The following RIT2 variants were observed in gnomAD, a reference collection of about 807,000 sequenced individuals.
RIT2 encodes the protein GTP-binding protein Rit2.
RIT2 carries 24 observed loss-of-function variants against 23.7 expected under a neutral mutation model. The ratio of observed to expected loss-of-function variants is 1.01; its 90% CI spans 0.73 to 1.43. The LOEUF (loss-of-function observed/expected upper bound fraction) is 1.43. Among genes scored for constraint, RIT2 ranks in the 40% most tolerant of loss-of-function variants. The probability of loss-of-function intolerance (pLI) is 0.00; values close to 1 mark genes in which losing one functional copy is unlikely to be tolerated. For synonymous variants in RIT2, 107 were observed against 91.1 expected, an observed-to-expected ratio of 1.17 and a Z score of -0.99; for missense variants, 236 against 266.9, an observed-to-expected ratio of 0.88 and a Z score of 0.81.
chr18:43,065,405 ACT>A (rs1912749530), intron 1 of RIT2, among the ~76,000 whole-genome samples: 1 of 151,508 alleles, frequency 6.6e-6, no homozygotes, highest in South Asian at 2.1e-4. Context: ...TATCATTTTC[ACT>A]TTTTCTAAAC....
At chr18:43,012,824 C>T (rs944657959) in intron 2 of RIT2, among the ~76,000 whole-genome samples, 2 of 151,664 alleles carry the variant, frequency 1.3e-5, no homozygotes, top group African/African-American at 4.8e-5. Context: ...TAATTGAAGA[C>T]ATTCTGATCC....
intron 1 of RIT2, among the ~76,000 whole-genome samples, chr18:43,039,502 C>G (rs1295917186): frequency 6.6e-6 from 1 of 151,958 alleles, no homozygotes; most frequent in African/African-American, 2.4e-5. Context: ...GCATGTGACA[C>G]CATGCCCGAC....
intron 2 of RIT2, among the ~76,000 whole-genome samples, chr18:43,022,259 G>A (rs1214372607): frequency 6.6e-6 from 1 of 152,052 alleles, no homozygotes; most frequent in Non-Finnish European, 1.5e-5. Flanking sequence ...ATTTTATGGA[G>A]GTAGAGAGTA....
At chr18:42,757,433 G>T (rs1456523356) in intron 4 of RIT2, among the ~76,000 whole-genome samples, 1 of 152,056 alleles carries the variant, frequency 6.6e-6, no homozygotes, top group Non-Finnish European at 1.5e-5. Context: ...GGTATCTTGG[G>T]CTCCTTCAAG....
At chr18:42,918,783 G>C (rs922189431) in intron 4 of RIT2, among the ~76,000 whole-genome samples, 13 of 152,090 alleles carry the variant, frequency 8.5e-5, no homozygotes, top group Admixed American at 7.9e-4. Flanking sequence ...TCTACTGCTT[G>C]TGTACACTCC....
intron 4 of RIT2, among the ~76,000 whole-genome samples, chr18:42,744,308 G>A (rs1912868765): frequency 1.3e-5 from 2 of 152,128 alleles, no homozygotes; most frequent in South Asian, 2.1e-4. Flanking sequence ...TGAAACTGTG[G>A]ACCTCAGTCA....
chr18:42,957,404 A>G (rs1909996896), intron 3 of RIT2, among the ~76,000 whole-genome samples: 1 of 152,146 alleles, frequency 6.6e-6, no homozygotes, highest in South Asian at 2.1e-4. Flanking sequence ...GAGGAGAGAG[A>G]GCTGAGACTC....
At chr18:43,083,740 G>T (rs1913213944) in intron 1 of RIT2, among the ~76,000 whole-genome samples, 1 of 152,034 alleles carries the variant, frequency 6.6e-6, no homozygotes, top group Non-Finnish European at 1.5e-5. Context: ...AACTCAAAGT[G>T]GACTAAAGAA....
chr18:42,940,333 A>G (rs926058413), intron 3 of RIT2, among the ~76,000 whole-genome samples: 1 of 146,156 alleles, frequency 6.8e-6, no homozygotes, highest in Non-Finnish European at 1.5e-5. Flanking sequence ...TATATACACA[A>G]TATATAGTAA....
chr18:43,055,573 G>A (rs540336929), intron 1 of RIT2, among the ~76,000 whole-genome samples: 9 of 152,098 alleles, frequency 5.9e-5, no homozygotes, highest in South Asian at 2.1e-4. Context: ...ACAAAAGGGC[G>A]GGTTCATACT....
At chr18:42,777,741 A>T (rs944411084) in intron 4 of RIT2, among the ~76,000 whole-genome samples, 7 of 152,152 alleles carry the variant, frequency 4.6e-5, no homozygotes, top group Non-Finnish European at 1.0e-4. Context: ...GTTACCAAAA[A>T]TTGAATTTTC....
intron 2 of RIT2, among the ~76,000 whole-genome samples, chr18:42,986,499 T>TTATA (rs1568047495): frequency 6.6e-6 from 1 of 151,918 alleles, no homozygotes; most frequent in African/African-American, 2.4e-5. Context: ...TTATTATGCA[T>TTATA]TTTATTTATT....
At chr18:42,745,363 G>A (rs184505975) in intron 4 of RIT2, among the ~76,000 whole-genome samples, 309 of 152,278 alleles carry the variant, frequency 2.0e-3, no homozygotes, top group African/African-American at 6.6e-3. Flanking sequence ...TTTTTAAACT[G>A]TTACAACACA....
chr18:42,803,965 G>A (rs1598660613), intron 4 of RIT2, among the ~76,000 whole-genome samples: 1 of 152,170 alleles, frequency 6.6e-6, no homozygotes, highest in African/African-American at 2.4e-5. Context: ...AAGAAAGCCT[G>A]TTAACATCGT....
chr18:43,026,699 G>A (rs2144274598), intron 2 of RIT2, among the ~76,000 whole-genome samples: 1 of 149,366 alleles, frequency 6.7e-6, no homozygotes, highest in African/African-American at 2.5e-5. Flanking sequence ...TTTGTAGAAA[G>A]AACCAGAAGT....
intron 4 of RIT2, among the ~76,000 whole-genome samples, chr18:42,871,687 T>C (rs1907624888): frequency 6.6e-6 from 1 of 151,688 alleles, no homozygotes; most frequent in Non-Finnish European, 1.5e-5. Flanking sequence ...GTGTAGATGT[T>C]CTGTATGTCT....
In RIT2 at chr18:42,878,103, T is replaced by C. The variant is rs140035462; in HGVS notation, c.426+45469A>G. 3.2e-3 allele frequency among the ~76,000 whole-genome samples: 476 copies of C among 148,936 alleles called. 2 individuals carry two copies. Among genetic ancestry groups the C allele is most frequent in the African/African-American group, 9.4e-3 (382 of 40,802 alleles). ...GCATATTCATATACATACACACACA[T>C]ATATATATATATAATATATATACAC... On this transcript the variant is annotated intron_variant, in intron 4 of 4. Transcript: ENST00000326695.
chr18:42,835,324 A>T (rs1481200995), intron 4 of RIT2, among the ~76,000 whole-genome samples: 2 of 151,418 alleles, frequency 1.3e-5, no homozygotes, highest in African/African-American at 4.9e-5. Flanking sequence ...ACACACACTC[A>T]CACACACACA....
At chr18:43,072,704 C>T (rs1421736445) in intron 1 of RIT2, among the ~76,000 whole-genome samples, 1 of 152,164 alleles carries the variant, frequency 6.6e-6, no homozygotes, top group African/African-American at 2.4e-5. Flanking sequence ...GCCGTCTGTA[C>T]TCTGCATTTC....
Sources: allele counts gnomAD v4.1 joint callset (sites outside exome capture counted in the v4.1 genomes callset), GRCh38; gene constraint gnomAD v4.1.1; transcripts MANE v1.5; gene names NCBI Gene and HGNC (gene_info 2026-07-23, HGNC 2026-07-21).